CADM2: variants seen among roughly 807,000 people sequenced by gnomAD.
CADM2 encodes cell adhesion molecule 2.
CADM2 carries 12 observed loss-of-function variants against 49.8 expected under a neutral mutation model. The observed-to-expected ratio is 0.24, with a 90% CI of 0.15 to 0.39. CADM2 has a LOEUF of 0.39. CADM2 is among the 10% of genes least tolerant of loss of function. CADM2 has a pLI of 1.00. For missense variants in CADM2, 378 were observed against 492.3 expected (o/e 0.77, Z 2.20); for synonymous variants, 214 against 175.4 (o/e 1.22, Z -1.74).
intron 1 of CADM2, among the ~76,000 whole-genome samples, chr3:85,504,952 G>T (rs1203620982): frequency 2.0e-5 from 3 of 152,078 alleles, no homozygotes; most frequent in Non-Finnish European, 4.4e-5. Context: ...GGCCGGCAGG[G>T]CCGGCCGGCT....
intron 6 of CADM2, among the ~76,000 whole-genome samples, 171 bp downstream of exon 6, chr3:85,912,714 T>G (rs1286348736): frequency 6.6e-6 from 1 of 152,164 alleles, no homozygotes; most frequent in Non-Finnish European, 1.5e-5. Context: ...AAAACACTCC[T>G]TGTCTGAGTT....
chr3:85,597,156 G>T (rs148755917), intron 1 of CADM2, among the ~76,000 whole-genome samples: 20 of 152,042 alleles, frequency 1.3e-4, no homozygotes, highest in Non-Finnish European at 2.8e-4. Flanking sequence ...GGGGAGAAAA[G>T]AAAAATATGA....
At chr3:85,917,129 C>T (rs1266018212) in intron 6 of CADM2, among the ~76,000 whole-genome samples, 2 of 152,056 alleles carry the variant, frequency 1.3e-5, no homozygotes, top group Non-Finnish European at 2.9e-5. Flanking sequence ...CCTGTTCACT[C>T]TGATGGTAGT....
intron 1 of CADM2, among the ~76,000 whole-genome samples, chr3:84,987,352 G>C (rs1286829073): frequency 6.6e-6 from 1 of 152,028 alleles, no homozygotes; most frequent in Non-Finnish European, 1.5e-5. Flanking sequence ...TCTTTGTTTT[G>C]TTGTGCAATG....
In CADM2 at chr3:85,925,539, A is replaced by G. The variant is rs1228476166; in HGVS notation, c.701-10228A>G. 2.6e-5 allele frequency among the ~76,000 whole-genome samples: 4 copies of G among 152,228 alleles called. No individual in the cohort carries two copies. The South Asian group carries it at 8.3e-4, about 31-fold the overall frequency. On this transcript the variant is annotated intron_variant, in intron 6 of 9. Transcript: ENST00000383699. ...TAGAAAAACACAATTGTACCCAGGA[A>G]AAAACGAGAATCAGATAGTGCTGGA...
At chr3:85,013,954 T>C (rs1256836327) in intron 1 of CADM2, among the ~76,000 whole-genome samples, 1 of 146,162 alleles carries the variant, frequency 6.8e-6, no homozygotes, top group East Asian at 2.0e-4. Context: ...TTGTATATTA[T>C]ATATACGCAG....
chr3:85,295,691 C>CA (rs1032534955), intron 1 of CADM2, among the ~76,000 whole-genome samples: 17 of 150,984 alleles, frequency 1.1e-4, no homozygotes, highest in Admixed American at 8.6e-4. Flanking sequence ...ATCGCAAGAA[C>CA]AAAAAACCAA....
intron 8 of CADM2, among the ~76,000 whole-genome samples, chr3:86,035,389 T>A (rs1347906933): frequency 6.6e-6 from 1 of 152,064 alleles, no homozygotes; most frequent in Non-Finnish European, 1.5e-5. Flanking sequence ...TTCTACTGCT[T>A]CTGTTCATCA....
chr3:85,869,645 A>G (rs557176355), intron 3 of CADM2, among the ~76,000 whole-genome samples: 2 of 151,754 alleles, frequency 1.3e-5, no homozygotes, highest in Admixed American at 1.3e-4. Context: ...ATCTGCCTAC[A>G]TTTTTTATAT....
At chr3:85,537,854 T>C (rs902628454) in intron 1 of CADM2, among the ~76,000 whole-genome samples, 1 of 152,038 alleles carries the variant, frequency 6.6e-6, no homozygotes, top group Non-Finnish European at 1.5e-5. Context: ...CATCTTCAAA[T>C]TTATCATAAC....
chr3:85,782,273 T>C (rs1217665570), intron 2 of CADM2, among the ~76,000 whole-genome samples: 5 of 152,236 alleles, frequency 3.3e-5, no homozygotes, highest in Non-Finnish European at 7.3e-5. Flanking sequence ...AAACATTATA[T>C]GATCTCTGTT....
chr3:85,768,672 AATATATATATACACATATATAGTATAAAT>A (rs1261436968), intron 2 of CADM2, among the ~76,000 whole-genome samples: 1 of 146,830 alleles, frequency 6.8e-6, no homozygotes, highest in Admixed American at 6.9e-5. Flanking sequence ...ATGGAATCTG[AATATATATATACACATATATAGTATAAAT>A]ATACACATAT....
At chr3:85,052,775 T>C (rs1220465220) in intron 1 of CADM2, among the ~76,000 whole-genome samples, 1 of 152,082 alleles carries the variant, frequency 6.6e-6, no homozygotes, top group East Asian at 1.9e-4. Context: ...TCAATTAGTT[T>C]AGATTTGCAA....
At chr3:85,844,263 T>C (rs1378242028) in intron 3 of CADM2, among the ~76,000 whole-genome samples, 3 of 152,072 alleles carry the variant, frequency 2.0e-5, no homozygotes, top group African/African-American at 4.8e-5. Flanking sequence ...GAAGAACAGG[T>C]TGGGCTCGAT....
intron 1 of CADM2, among the ~76,000 whole-genome samples, chr3:85,704,612 A>G (rs1317768354): frequency 6.6e-6 from 1 of 151,994 alleles, no homozygotes; most frequent in Non-Finnish European, 1.5e-5. Context: ...TAACCTAATG[A>G]CCTTCTAAAG....
intron 1 of CADM2, among the ~76,000 whole-genome samples, chr3:85,398,594 A>G (rs991220188): frequency 2.6e-5 from 4 of 152,186 alleles, no homozygotes; most frequent in Non-Finnish European, 5.9e-5. Context: ...GTCTTCCCCA[A>G]TGGTTGAACT....
At chr3:85,769,523 ATATATGTATATATACACG>A (rs1559644494) in intron 2 of CADM2, among the ~76,000 whole-genome samples, 15 of 117,504 alleles carry the variant, frequency 1.3e-4, no homozygotes, top group African/African-American at 5.4e-4. Flanking sequence ...ACGTATATAC[ATATATGTATATATACACG>A]TATATACATA....
At chr3:85,431,860 C>CAT (rs1553722697) in intron 1 of CADM2, among the ~76,000 whole-genome samples, 8,024 of 51,846 alleles carry the variant, frequency 0.15, 2,742 homozygotes, top group African/African-American at 0.4. Context: ...TGCTTAATTG[C>CAT]ATATATATAT....
intron 8 of CADM2, among the ~76,000 whole-genome samples, chr3:86,024,529 A>G (rs1733625980): frequency 6.6e-6 from 1 of 152,334 alleles, no homozygotes; most frequent in East Asian, 1.9e-4. Flanking sequence ...TGCTCAAATT[A>G]GTATGTTGTT....
Sources: allele counts gnomAD v4.1 joint callset (sites outside exome capture counted in the v4.1 genomes callset), GRCh38; gene constraint gnomAD v4.1.1; transcripts MANE v1.5; gene names NCBI Gene and HGNC (gene_info 2026-07-23, HGNC 2026-07-21).